RNF112: variants seen among roughly 807,000 people sequenced by gnomAD.
RNF112 encodes brain finger protein.
A neutral mutation model predicts 64.7 loss-of-function variants in RNF112; 34 were observed. The observed-to-expected ratio is 0.53, with a 90% CI of 0.40 to 0.70. RNF112 has a LOEUF of 0.70. RNF112 is among the 30% of genes least tolerant of loss of function. The pLI is 0.00. For missense variants in RNF112, 734 were observed against 850.0 expected, an observed-to-expected ratio of 0.86 and a Z score of 1.70; for synonymous variants, 345 against 344.5, an observed-to-expected ratio of 1.00 and a Z score of -0.02.
rs1399545070 is a variant in RNF112, at chr17:19,411,335, G to T, written c.-74G>T. 3 of 1,450,030 alleles carry T rather than the reference G, an allele frequency of 2.1e-6. No individual in the cohort carries two copies. Among genetic ancestry groups the T allele is most frequent in the African/African-American group, 2.8e-5 (2 of 71,592 alleles). 89.8% of individuals were successfully genotyped at this position (1,450,030 alleles called of 1,614,324 possible). A position where few individuals can be genotyped will look rare whatever the true frequency, so the allele number is the denominator to read the frequency against. Reference sequence around the variant, plus strand: ...CCTGCTAGCCTTTCCGGGAGAAAAGGCATCCTTACCTCTGGTTGAAGGTCT... The same window carrying T: ...CCTGCTAGCCTTTCCGGGAGAAAAGTCATCCTTACCTCTGGTTGAAGGTCT... On this transcript the variant is annotated 5_prime_UTR_variant, in exon 1 of 14. Transcript: ENST00000461366.
Position 19,412,396 on chromosome 17 carries a change from G to A in RNF112, c.96-102G>A. 1 of 1,290,418 alleles carries A rather than the reference G, an allele frequency of 7.7e-7. No homozygotes were observed. Among genetic ancestry groups the A allele is most frequent in the Non-Finnish European group, 1.1e-6 (1 of 943,600 alleles). 79.9% of individuals were successfully genotyped at this position (1,290,418 alleles called of 1,614,324 possible). ...TGATGGAAATTGGGTTGGCACAAAG[G>A]GACCTCCACTCCCAAGCCATCAGTC... On this transcript the variant is annotated intron_variant, in intron 2 of 13. Coordinates refer to ENST00000461366, the MANE Select transcript of RNF112 (RefSeq NM_007148.5). The surrounding 1 kb of genome is among the most constrained non-coding windows in gnomAD (Gnocchi z 5.1).
rs1294584289 is a variant in RNF112 at position 19,413,342 on chromosome 17, C to T, written c.651C>T (p.Gly217=). 6.8e-6 allele frequency: 11 copies of T among 1,613,106 alleles called. No homozygotes were observed. Among genetic ancestry groups the T allele is most frequent in the South Asian group, 1.1e-5 (1 of 90,980 alleles). The change falls in exon 5 of 14, where the codon GGC becomes GGT. Residue 217 remains glycine, a synonymous_variant. Transcript: ENST00000461366. The surrounding 1 kb of genome is among the most constrained non-coding windows in gnomAD (Gnocchi z 5.9). The part of the protein sequence containing the change: ...GEASLQGCRW[G]ANGLARGIWM... Reference sequence around the variant, plus strand: ...CATCCCTGCAGGGCTGCAGGTGGGGCGCCAATGGCCTCGCCAGGGGCATAT... The same window carrying T: ...CATCCCTGCAGGGCTGCAGGTGGGGTGCCAATGGCCTCGCCAGGGGCATAT...
chr17:19,413,158 G>A lies in RNF112; in HGVS notation c.588+14G>A, dbSNP rs367910143. 7.5e-6 allele frequency: 12 copies of A among 1,607,668 alleles called. No homozygotes were observed. Among genetic ancestry groups the A allele is most frequent in the South Asian group, 2.2e-5 (2 of 90,666 alleles). On this transcript the variant is annotated intron_variant, in intron 4 of 13. Coordinates refer to ENST00000461366, the MANE Select transcript of RNF112 (RefSeq NM_007148.5). This position sits in a 1 kb window ranked among gnomAD's most constrained non-coding sequence, Gnocchi z 5.9. ...TTGCCGGGCCTGGTGAGGGCGGGGC[G>A]GGGCAGGAGGGAGGCGGGGAGCAAG...
At position 19,416,514 on chromosome 17, in the gene RNF112, ATTGTAG is replaced by A; in HGVS notation, c.*340_*345del. 2 of 250,010 alleles carry A rather than the reference ATTGTAG, an allele frequency of 8.0e-6. No homozygotes were observed. 15.5% of individuals were successfully genotyped at this position (250,010 alleles called of 1,614,324 possible). A position where few individuals can be genotyped will look rare whatever the true frequency, so the allele number is the denominator to read the frequency against. On this transcript the variant is annotated 3_prime_UTR_variant, in exon 14 of 14. Coordinates refer to ENST00000461366, the MANE Select transcript of RNF112 (RefSeq NM_007148.5). ...TGGCTCATTTCCCCGATGACCCTGG[ATTGTAG>A]GAAAGTTAAGCAGGCACCATCCTGG...
Position 19,415,194 on chromosome 17 carries a change from C to T in RNF112, c.1283C>T (p.Ala428Val). ...DRRLLTGQQL[A>V]QEIKNLSGWM... is the part of the protein sequence containing the mutation. The stretch of plus-strand genomic sequence containing the variant: ...CGCCTACTCACGGGGCAGCAGCTAG[C>T]TCAGGAAATCAAGGTGTGAAAACTC... The change falls in exon 11 of 14, where the codon GCT becomes GTT. Residue 428 changes from alanine to valine, a missense_variant. Transcript: ENST00000461366. The surrounding 1 kb of genome is among the most constrained non-coding windows in gnomAD (Gnocchi z 7.8). 1 of 1,605,562 alleles carries T rather than the reference C, an allele frequency of 6.2e-7. No homozygotes were observed. Among genetic ancestry groups the T allele is most frequent in the South Asian group, 1.1e-5 (1 of 90,094 alleles).
rs1913837292 is a variant in RNF112 at position 19,415,310 on chromosome 17, A to T, written c.1321A>T (p.Thr441Ser). 1 of 1,609,448 alleles carries T rather than the reference A, an allele frequency of 6.2e-7. No homozygotes were observed. Among genetic ancestry groups the T allele is most frequent in the African/African-American group, 1.3e-5 (1 of 74,694 alleles). Residue 441 changes from threonine (T) to serine (S), a missense_variant, in exon 12 of 14, where the codon ACA (threonine) becomes TCA (serine). Transcript: ENST00000461366. This position sits in a 1 kb window ranked among gnomAD's most constrained non-coding sequence, Gnocchi z 7.8. ...GAACCTCTCAGGATGGATGGGGAGG[A>T]CAGGGCCCGGTTTCACCTCTCCGGA... ...IKNLSGWMGR[T>S]GPGFTSPDEM...
In RNF112 at chr17:19,415,198, G is replaced by A; in HGVS notation, c.1287G>A (p.Gln429=). The stretch of plus-strand genomic sequence containing the variant: ...TACTCACGGGGCAGCAGCTAGCTCA[G>A]GAAATCAAGGTGTGAAAACTCCCTG... The part of the protein sequence containing the change: ...RRLLTGQQLA[Q]EIKNLSGWMG... Residue 429 remains glutamine (Q), a synonymous_variant, in exon 11 of 14, where the codon CAG becomes CAA. Coordinates refer to ENST00000461366, the MANE Select transcript of RNF112 (RefSeq NM_007148.5). This position sits in a 1 kb window ranked among gnomAD's most constrained non-coding sequence, Gnocchi z 7.8. 6.2e-7 allele frequency: 1 copy of A among 1,605,374 alleles called. No individual in the cohort carries two copies. The highest frequency in any genetic ancestry group is 8.5e-7 in the Non-Finnish European group (1 of 1,177,834).
rs768487550 is a variant in RNF112 at position 19,411,383 on chromosome 17, G to A, written c.-26G>A. On this transcript the variant is annotated 5_prime_UTR_variant, in exon 1 of 14. Coordinates refer to ENST00000461366, the MANE Select transcript of RNF112 (RefSeq NM_007148.5). ...TCTCGGGGCCTCCCCCTCTGCATCC[G>A]GACCCTCTCCCCATCCCAGCCTCCC... 44 of 1,607,146 alleles carry A rather than the reference G, an allele frequency of 2.7e-5. No homozygotes were observed. The highest frequency in any genetic ancestry group is 3.3e-4 in the Middle Eastern group (2 of 6,060).
rs1464591749 is a variant in RNF112 at position 19,413,200 on chromosome 17, T to C, written c.588+56T>C. ...GGGAGCAAGGATGGGGGTTCCTGCC[T>C]GGGGGAAGCTGGGTCTGGTATTCCG... On this transcript the variant is annotated intron_variant, in intron 4 of 13. Transcript: ENST00000461366. The surrounding 1 kb of genome is among the most constrained non-coding windows in gnomAD (Gnocchi z 5.9). 1 of 1,595,764 alleles carries C rather than the reference T, an allele frequency of 6.3e-7. No homozygotes were observed. Among genetic ancestry groups the C allele is most frequent in the East Asian group, 2.2e-5 (1 of 44,488 alleles).
intron 7 of RNF112, 90 bp from the exon 8 acceptor site, chr17:19,414,359 G>T: frequency 6.8e-7 from 1 of 1,475,628 alleles, no homozygotes; most frequent in Non-Finnish European, 9.4e-7. Flanking sequence ...AGCTCCTACA[G>T]CAGGCGTAGG....
chr17:19,415,647 G>GGGAGAGGA lies in RNF112; in HGVS notation c.1425+56_1426-50dup. ...TGTGGGCCGGGCAGGGTCCAGATCA[G>GGGAGAGGA]GGAGAGGATACCTGGGACTCCTGGT... On this transcript the variant is annotated intron_variant, in intron 13 of 13. Transcript: ENST00000461366. This position sits in a 1 kb window ranked among gnomAD's most constrained non-coding sequence, Gnocchi z 7.8. 1 of 1,603,894 alleles carries GGGAGAGGA rather than the reference G, an allele frequency of 6.2e-7. No individual in the cohort carries two copies.
chr17:19,416,293 G>C lies in RNF112; in HGVS notation c.*118G>C. On this transcript the variant is annotated 3_prime_UTR_variant, in exon 14 of 14. Coordinates refer to ENST00000461366, the MANE Select transcript of RNF112 (RefSeq NM_007148.5). ...GCACCGCCATGTACTGCACTGCCCT[G>C]GTCGAATGCTCGGTGTCTGGGTGGC... 1.0e-6 allele frequency: 1 copy of C among 961,920 alleles called. No homozygotes were observed. Among genetic ancestry groups the C allele is most frequent in the Non-Finnish European group, 1.5e-6 (1 of 672,008 alleles). 59.6% of individuals were successfully genotyped at this position (961,920 alleles called of 1,614,324 possible).
intron 10 of RNF112, 63 bp from the exon 11 acceptor site, chr17:19,414,975 G>T: frequency 6.3e-7 from 1 of 1,585,926 alleles, no homozygotes. Flanking sequence ...ACCTCTCCTG[G>T]CCTCTGACAC....
chr17:19,416,119 G>C lies in RNF112; in HGVS notation c.1840G>C (p.Glu614Gln), dbSNP rs997478101. 30 of 1,581,854 alleles carry C rather than the reference G, an allele frequency of 1.9e-5. No homozygotes were observed. Among genetic ancestry groups the C allele is most frequent in the Non-Finnish European group, 2.3e-5 (27 of 1,164,588 alleles). Residue 614 changes from glutamate (E) to glutamine (Q), a missense_variant, in exon 14 of 14, where the codon GAG (glutamate) becomes CAG (glutamine). Physicochemically the swap from Glu to Gln is conservative, Grantham distance 29 (BLOSUM62 2). Coordinates refer to ENST00000461366, the MANE Select transcript of RNF112 (RefSeq NM_007148.5). The part of the protein sequence containing the change: ...LAATVGCMEK[E>Q]EDERLLEGDR... ...TGCCACAGTGGGCTGCATGGAGAAG[G>C]AGGAGGATGAGAGGCTTCTGGAAGG...
rs1192952521 is a variant in RNF112 at position 19,413,975 on chromosome 17, G to A, written c.826-120G>A. The A allele has an allele frequency of 2.5e-6, 2 of 810,314 alleles. No individual in the cohort carries two copies. Among genetic ancestry groups the A allele is most frequent in the Admixed American group, 2.4e-5 (1 of 41,260 alleles). The allele number at this position is 810,314 out of a possible 1,614,324, so 50.2% of individuals were successfully genotyped here. On this transcript the variant is annotated intron_variant, in intron 6 of 13. Coordinates refer to ENST00000461366, the MANE Select transcript of RNF112 (RefSeq NM_007148.5). The surrounding 1 kb of genome is among the most constrained non-coding windows in gnomAD (Gnocchi z 5.9). ...TGCAGCCTTCGAGGCCCCCATACTGGCCTCTCCCATACTCTGAGGCCCACA... is the reference window on the plus strand; with the variant it reads ...TGCAGCCTTCGAGGCCCCCATACTGACCTCTCCCATACTCTGAGGCCCACA...
Position 19,415,093 on chromosome 17 carries a change from T to C in RNF112, c.1182T>C (p.Ser394=). The C allele has an allele frequency of 6.2e-7, 1 of 1,604,904 alleles. No individual in the cohort carries two copies. The highest frequency in any genetic ancestry group is 1.1e-5 in the South Asian group (1 of 90,348). The change falls in exon 11 of 14, where the codon AGT becomes AGC. Residue 394 remains serine (S), a synonymous_variant. Transcript: ENST00000461366. This position sits in a 1 kb window ranked among gnomAD's most constrained non-coding sequence, Gnocchi z 7.8. ...GGGCCTACGTCTCAGATGTGCTGAGTGCGGCCCCCCAGCACGCTAAGAGCC... is the reference window on the plus strand; with the variant it reads ...GGGCCTACGTCTCAGATGTGCTGAGCGCGGCCCCCCAGCACGCTAAGAGCC... The part of the protein sequence containing the change: ...LLGAYVSDVL[S]AAPQHAKSRC...
Position 19,415,869 on chromosome 17 carries a change from C to T in RNF112, c.1590C>T (p.Ala530=). Residue 530 remains alanine, a synonymous_variant, in exon 14 of 14, where the codon GCC becomes GCT. Coordinates refer to ENST00000461366, the MANE Select transcript of RNF112 (RefSeq NM_007148.5). The surrounding 1 kb of genome is among the most constrained non-coding windows in gnomAD (Gnocchi z 7.8). ...TLEALEAELQ[A]TAKAFMDSYT... ...AGGCACTGGAAGCTGAGCTGCAGGC[C>T]ACGGCCAAGGCCTTCATGGACTCCT... 1 of 1,613,728 alleles carries T rather than the reference C, an allele frequency of 6.2e-7. No homozygotes were observed. The highest frequency in any genetic ancestry group is 8.5e-7 in the Non-Finnish European group (1 of 1,179,850).
intron 7 of RNF112, 151 bp from the exon 8 acceptor site, chr17:19,414,298 G>A (rs1331483723): frequency 1.7e-5 from 18 of 1,087,628 alleles, no homozygotes; most frequent in South Asian, 2.8e-5. Flanking sequence ...AGCAAGAGAT[G>A]TGTGGTCTGG....
rs746144944 is a variant in RNF112 at position 19,415,239 on chromosome 17, C to A, written c.1296+32C>A. The A allele has an allele frequency of 6.3e-7, 1 of 1,596,992 alleles. No individual in the cohort carries two copies. The highest frequency in any genetic ancestry group is 8.5e-7 in the Non-Finnish European group (1 of 1,175,654). ...AAACTCCCTGGAGACCCAGGCGACTCGGCTGGGCCCCTGCTCTCCCTGACC... is the reference window on the plus strand; with the variant it reads ...AAACTCCCTGGAGACCCAGGCGACTAGGCTGGGCCCCTGCTCTCCCTGACC... On this transcript the variant is annotated intron_variant, in intron 11 of 13. Coordinates refer to ENST00000461366, the MANE Select transcript of RNF112 (RefSeq NM_007148.5). The surrounding 1 kb of genome is among the most constrained non-coding windows in gnomAD (Gnocchi z 7.8).
Sources: gnomAD v4.1 joint callset for allele counts on GRCh38, gnomAD v4.1.1 for gene constraint, Gnocchi (gnomAD v3.1) non-coding constraint, MANE v1.5 for transcripts, NCBI Gene and HGNC (gene_info 2026-07-23, HGNC 2026-07-21) for gene names.